ATAD2B: variants seen among roughly 807,000 people sequenced by gnomAD.
ATAD2B encodes ATPase family AAA domain-containing protein 2B.
ATAD2B carries 40 observed loss-of-function variants against 167.6 expected under a neutral mutation model. The ratio of observed to expected loss-of-function variants is 0.24; its 90% confidence interval spans 0.19 to 0.31. The LOEUF (loss-of-function observed/expected upper bound fraction) is 0.31, where lower values mean the gene tolerates loss of function less well. Among genes scored for constraint, ATAD2B ranks in the 10% least tolerant of loss-of-function variants. ATAD2B has a pLI of 1.00. For missense variants in ATAD2B, 1,242 were observed against 1,757.2 expected (o/e 0.71, Z 5.24); for synonymous variants, 579 against 596.5 (o/e 0.97, Z 0.43).
intron 23 of ATAD2B, among the ~76,000 whole-genome samples, chr2:23,764,073 T>C (rs1170387063): frequency 6.6e-6 from 1 of 152,228 alleles, no homozygotes; most frequent in Non-Finnish European, 1.5e-5. Context: ...AACATACAAA[T>C]GTTTATGTGG....
At chr2:23,806,878 A>G (rs1048886896) in intron 18 of ATAD2B, among the ~76,000 whole-genome samples, 1 of 152,214 alleles carries the variant, frequency 6.6e-6, no homozygotes, top group Non-Finnish European at 1.5e-5. Flanking sequence ...CACAACTGAG[A>G]TTTTAATCTG....
chr2:23,882,738 A>T (rs1432178401), intron 6 of ATAD2B, among the ~76,000 whole-genome samples: 1 of 151,724 alleles, frequency 6.6e-6, no homozygotes, highest in African/African-American at 2.4e-5. Context: ...TGAACCCAGG[A>T]GGCGGAGCTT....
At chr2:23,860,632 G>A (rs1694197005) in intron 12 of ATAD2B, among the ~76,000 whole-genome samples, 1 of 152,162 alleles carries the variant, frequency 6.6e-6, no homozygotes, top group African/African-American at 2.4e-5. Context: ...CATTTCTCCT[G>A]AGTGATATGC....
At chr2:23,743,292 C>T in the ATAD2B span, among the ~76,000 whole-genome samples, 1 of 152,074 alleles carries the variant, frequency 6.6e-6, no homozygotes, top group Non-Finnish European at 1.5e-5. Context: ...TGGGGCCAGG[C>T]GCAGTAGCTC....
intron 13 of ATAD2B, among the ~76,000 whole-genome samples, chr2:23,841,098 A>ATTTTTTTTTT (rs572061183): frequency 6.0e-5 from 7 of 117,170 alleles, no homozygotes; most frequent in Non-Finnish European, 1.1e-4. Context: ...ATGCATGGCT[A>ATTTTTTTTTT]TTTTTTTTTT....
At chr2:23,821,796 G>A (rs1006957650) in intron 16 of ATAD2B, among the ~76,000 whole-genome samples, 3 of 152,048 alleles carry the variant, frequency 2.0e-5, no homozygotes, top group African/African-American at 7.2e-5. Context: ...AATGAGTGAT[G>A]TTTTAAATTT....
chr2:23,762,571 TC>T (rs956845418), intron 23 of ATAD2B, among the ~76,000 whole-genome samples: 1 of 152,120 alleles, frequency 6.6e-6, no homozygotes, highest in Non-Finnish European at 1.5e-5. Context: ...TTACACTTAA[TC>T]CCCAAAGGGG....
the ATAD2B span, among the ~76,000 whole-genome samples, chr2:23,725,317 A>G: frequency 1.3e-5 from 2 of 152,212 alleles, no homozygotes; most frequent in African/African-American, 4.8e-5. Flanking sequence ...TGCTAAAGGA[A>G]ATTCTTTAGG....
chr2:23,914,237 C>G (rs1164917207), intron 1 of ATAD2B, among the ~76,000 whole-genome samples: 1 of 151,946 alleles, frequency 6.6e-6, no homozygotes, highest in Non-Finnish European at 1.5e-5. Context: ...TCAGAATGAA[C>G]AAAATGAATC....
At chr2:23,861,820 G>A (rs1297241385) in intron 12 of ATAD2B, among the ~76,000 whole-genome samples, 3 of 151,936 alleles carry the variant, frequency 2.0e-5, no homozygotes, top group African/African-American at 4.8e-5. Flanking sequence ...TGTTTGACTC[G>A]CCATTAGACA....
intron 22 of ATAD2B, among the ~76,000 whole-genome samples, chr2:23,774,855 G>T (rs916659394): frequency 2.0e-5 from 3 of 152,162 alleles, no homozygotes; most frequent in Admixed American, 1.3e-4. Context: ...AGCTGAGATC[G>T]TGCCATTGTG....
At chr2:23,788,477 C>A in intron 20 of ATAD2B, 35 bp downstream of exon 20, 2 of 1,602,504 alleles carry the variant, frequency 1.2e-6, no homozygotes, top group Non-Finnish European at 1.7e-6. Context: ...TTAACTCCAT[C>A]CCTCCCATTT....
chr2:23,801,224 CA>C (rs1683446019), intron 18 of ATAD2B, among the ~76,000 whole-genome samples: 1 of 150,316 alleles, frequency 6.7e-6, no homozygotes, highest in Admixed American at 6.9e-5. Context: ...ATAGTATAAG[CA>C]ACAGGAAAAA....
At chr2:23,830,230 CA>C (rs1688837771) in intron 14 of ATAD2B, among the ~76,000 whole-genome samples, 1 of 152,076 alleles carries the variant, frequency 6.6e-6, no homozygotes, top group Admixed American at 6.5e-5. Context: ...CTGTTCCGCC[CA>C]CCTCAGCCTC....
chr2:23,805,806 A>AAAACAAC (rs1553396417), intron 18 of ATAD2B, among the ~76,000 whole-genome samples: 14 of 145,704 alleles, frequency 9.6e-5, no homozygotes, highest in Non-Finnish European at 1.8e-4. Flanking sequence ...AAAAAAAAAA[A>AAAACAAC]AACAAATCTG....
chr2:23,921,231 C>A (rs201165754), intron 1 of ATAD2B, among the ~76,000 whole-genome samples: 12,819 of 69,316 alleles, frequency 0.18, 798 homozygotes, highest in Non-Finnish European at 0.23. Context: ...AAAAAAAAAA[C>A]AACCCAAAGA....
intron 18 of ATAD2B, among the ~76,000 whole-genome samples, chr2:23,809,611 T>C (rs1439197574): frequency 6.6e-6 from 1 of 152,192 alleles, no homozygotes; most frequent in Non-Finnish European, 1.5e-5. Flanking sequence ...CTCTCTAACT[T>C]ATTTATTTGA....
chr2:23,726,632 C>T, the ATAD2B span, among the ~76,000 whole-genome samples: 505 of 151,984 alleles, frequency 3.3e-3, 3 homozygotes, highest in African/African-American at 0.012. Flanking sequence ...CCATGTTGTT[C>T]AAGGGTCAAC....
chr2:23,810,165 C>T (rs1685329609), intron 18 of ATAD2B, 151 bp downstream of exon 18: 1 of 646,990 alleles, frequency 1.5e-6, no homozygotes, highest in South Asian at 3.0e-5. Context: ...ATCCTTTACA[C>T]TAATACTAGA....
Sources: allele counts gnomAD v4.1 joint callset (sites outside exome capture counted in the v4.1 genomes callset), GRCh38; gene constraint gnomAD v4.1.1; transcripts MANE v1.5; gene names NCBI Gene and HGNC (gene_info 2026-07-23, HGNC 2026-07-21).